Variants in CSNK1G2 observed in about 807,000 individuals in gnomAD.
The protein encoded by CSNK1G2 is casein kinase 1 gamma 2, also known as casein kinase I isoform gamma-2.
CSNK1G2 carries 11 observed loss-of-function variants against 48.0 expected under a neutral mutation model. The ratio of observed to expected loss-of-function variants is 0.23; its 90% CI spans 0.14 to 0.38. The LOEUF (loss-of-function observed/expected upper bound fraction) is 0.38, where lower values mean the gene tolerates loss of function less well. CSNK1G2 is among the 10% of genes least tolerant of loss of function. The pLI is 1.00. For missense variants in CSNK1G2, 446 were observed against 595.5 expected, an observed-to-expected ratio of 0.75 and a Z score of 2.61; for synonymous variants, 337 against 254.1, an observed-to-expected ratio of 1.33 and a Z score of -3.10.
chr19:1,977,445 G>A (rs2015797392), intron 2 of CSNK1G2, among the ~76,000 whole-genome samples: 2 of 152,174 alleles, frequency 1.3e-5, no homozygotes, highest in Admixed American at 1.3e-4. Context: ...TTCCTCAGGG[G>A]GTGTAACATG....
At chr19:1,946,331 G>A (rs550319510) in intron 1 of CSNK1G2, among the ~76,000 whole-genome samples, 1 of 148,704 alleles carries the variant, frequency 6.7e-6, no homozygotes, top group East Asian at 2.0e-4. Context: ...TTGCACTGTT[G>A]CCCAGGCTGG....
At chr19:1,964,719 GTTTTTGTT>G (rs2015309023) in intron 1 of CSNK1G2, among the ~76,000 whole-genome samples, 1 of 128,934 alleles carries the variant, frequency 7.8e-6, no homozygotes, top group African/African-American at 3.0e-5. Context: ...TCAGAAAAAA[GTTTTTGTT>G]TTTTTGTTTT....
chr19:1,962,381 A>C (rs2015227555), intron 1 of CSNK1G2, among the ~76,000 whole-genome samples: 1 of 151,524 alleles, frequency 6.6e-6, no homozygotes, highest in African/African-American at 2.4e-5. Context: ...CCAGAAGCAC[A>C]GAAGTGGGGT....
At chr19:1,959,608 TC>T (rs2015124476) in intron 1 of CSNK1G2, among the ~76,000 whole-genome samples, 1 of 109,042 alleles carries the variant, frequency 9.2e-6, no homozygotes, top group African/African-American at 4.3e-5. Flanking sequence ...CCACCCTGAG[TC>T]CCCCAGCACC....
intron 1 of CSNK1G2, among the ~76,000 whole-genome samples, chr19:1,947,032 G>C (rs1568179562): frequency 6.6e-6 from 1 of 152,236 alleles, no homozygotes; most frequent in Non-Finnish European, 1.5e-5. Flanking sequence ...GGGATTACAG[G>C]CGTGAGCCAC....
chr19:1,944,515 GC>G (rs1455203103), intron 1 of CSNK1G2, among the ~76,000 whole-genome samples: 2 of 152,204 alleles, frequency 1.3e-5, no homozygotes, highest in African/African-American at 4.8e-5. Context: ...CTGGTCACCC[GC>G]CGTGCCAGTG....
intron 8 of CSNK1G2, 25 bp downstream of exon 8, chr19:1,979,428 C>CGGGGGGG: frequency 6.5e-7 from 1 of 1,529,874 alleles, no homozygotes; most frequent in South Asian, 1.2e-5. Flanking sequence ...CGCCCCCGCC[C>CGGGGGGG]TGTGCCCCCC....
In CSNK1G2 at chr19:1,969,958, A is replaced by C. The variant is rs762271863; in HGVS notation, c.186A>C (p.Leu62=). 4 of 1,306,324 alleles carry C rather than the reference A, an allele frequency of 3.1e-6. 1 individual carries two copies. Among genetic ancestry groups the C allele is most frequent in the African/African-American group, 1.5e-5 (1 of 66,292 alleles). 80.9% of individuals were successfully genotyped at this position (1,306,324 alleles called of 1,614,324 possible). The change falls in exon 2 of 12, where the codon CTA becomes CTC. Residue 62 remains leucine, a splice_region_variant and synonymous_variant. Transcript: ENST00000255641. ...GCGGCAACTTCGGGGAGCTCCGCCT[A>C]GGTGAGGCCCTGCTCGGTGGTAGGT... ...IGCGNFGELR[L]GKNLYTNEYV...
chr19:1,974,891 C>A, intron 2 of CSNK1G2: 1 of 171,504 alleles, frequency 5.8e-6, no homozygotes, highest in Non-Finnish European at 1.2e-5. Context: ...TGGAGCTGTT[C>A]TCTGCCAGGC....
intron 1 of CSNK1G2, among the ~76,000 whole-genome samples, chr19:1,951,817 A>C (rs1264246163): frequency 1.3e-5 from 2 of 148,994 alleles, no homozygotes; most frequent in Admixed American, 6.7e-5. Flanking sequence ...AGCAGCTGGG[A>C]CCACAGGCGC....
chr19:1,976,910 T>C lies in CSNK1G2; in HGVS notation c.188-1395T>C, dbSNP rs1433517269. On this transcript the variant is annotated intron_variant, in intron 2 of 11. Transcript: ENST00000255641. ...ATGCATCACCATGCCAGGCTAATTT[T>C]GTATTTTTAGTAGAGATGGGGTTTC... is the stretch of plus-strand genomic sequence containing the variant. Among the ~76,000 whole-genome samples, 4 of 152,066 alleles carry C rather than the reference T, an allele frequency of 2.6e-5. No individual in the cohort carries two copies. In the East Asian group the frequency reaches 7.7e-4, roughly 29 times the overall value.
chr19:1,975,818 C>A, intron 2 of CSNK1G2: 1 of 966,036 alleles, frequency 1.0e-6, no homozygotes, highest in Non-Finnish European at 1.2e-6. Flanking sequence ...GGCGGATCAC[C>A]TGACGTCAGG....
At position 1,979,804 on chromosome 19, in the gene CSNK1G2, G is replaced by A. The variant is rs1024643096; in HGVS notation, c.1055G>A (p.Arg352Gln). The A allele has an allele frequency of 8.1e-6, 13 of 1,607,140 alleles. No homozygotes were observed. Among genetic ancestry groups the A allele is most frequent in the East Asian group, 2.2e-5 (1 of 44,616 alleles). ...HTDLPSQPQL[R>Q]DKTQPHSKNQ... ...GACCTGCCCTCCCAGCCTCAGCTCCGGGACAAAACCCAGCCGCACAGCAAA... is the reference window on the plus strand; with the variant it reads ...GACCTGCCCTCCCAGCCTCAGCTCCAGGACAAAACCCAGCCGCACAGCAAA... The change falls in exon 10 of 12, where the codon CGG (arginine) becomes CAG (glutamine). Residue 352 changes from arginine to glutamine, a missense_variant. By Grantham distance (43) the Arg-to-Gln change is conservative. This residue lies in a region of CSNK1G2 where 188 missense variants were observed against 179.6 expected (regional missense o/e 1.05). Coordinates refer to ENST00000255641, the MANE Select transcript of CSNK1G2 (RefSeq NM_001319.7).
chr19:1,975,793 T>G (rs528520715), intron 2 of CSNK1G2: 72 of 983,752 alleles, frequency 7.3e-5, no homozygotes, highest in South Asian at 7.1e-4. Flanking sequence ...CCCAACACTT[T>G]GGGAGGCTGA....
At chr19:1,964,663 C>T (rs1038287250) in intron 1 of CSNK1G2, among the ~76,000 whole-genome samples, 1 of 152,140 alleles carries the variant, frequency 6.6e-6, no homozygotes, top group African/African-American at 2.4e-5. Flanking sequence ...ATCTGTTTAA[C>T]ACCTGGCTTA....
At chr19:1,949,580 AC>A (rs1047059155) in intron 1 of CSNK1G2, among the ~76,000 whole-genome samples, 47 of 152,212 alleles carry the variant, frequency 3.1e-4, no homozygotes, top group African/African-American at 1.1e-3. Context: ...TGCTGCGAGC[AC>A]CCGTGTCCGG....
At chr19:1,956,964 A>G (rs1008708016) in intron 1 of CSNK1G2, among the ~76,000 whole-genome samples, 1 of 152,204 alleles carries the variant, frequency 6.6e-6, no homozygotes, top group African/African-American at 2.4e-5. Context: ...TGACCAAGCC[A>G]ATGGCTCACC....
At chr19:1,960,423 G>A (rs189334235) in intron 1 of CSNK1G2, among the ~76,000 whole-genome samples, 1 of 152,226 alleles carries the variant, frequency 6.6e-6, no homozygotes, top group African/African-American at 2.4e-5. Context: ...TGTGGCGCGA[G>A]CAGGCTGGCC....
At chr19:1,968,815 G>T in intron 1 of CSNK1G2, 1 of 152,634 alleles carries the variant, frequency 6.6e-6, no homozygotes, top group Non-Finnish European at 1.5e-5. Flanking sequence ...GAAGGGGATG[G>T]GTCCGACCCA....
Sources: allele counts gnomAD v4.1 joint callset (sites outside exome capture counted in the v4.1 genomes callset), GRCh38; gene constraint gnomAD v4.1.1; regional missense constraint gnomAD v4.1.1; transcripts MANE v1.5; gene names NCBI Gene and HGNC (gene_info 2026-07-23, HGNC 2026-07-21).